The following CPA6 variants were observed in gnomAD, a reference collection of about 807,000 sequenced individuals.
CPA6 encodes carboxypeptidase B.
In CPA6, 58 loss-of-function variants were observed where a neutral mutation model predicts 63.3. The observed-to-expected ratio is 0.92, with a 90% confidence interval of 0.74 to 1.14. The LOEUF is 1.14. Among genes scored for constraint, CPA6 ranks in the 50% most tolerant of loss-of-function variants. CPA6 has a pLI of 0.00. For missense variants in CPA6, 565 were observed against 526.6 expected, an observed-to-expected ratio of 1.07 and a Z score of -0.71; for synonymous variants, 185 against 179.0, an observed-to-expected ratio of 1.03 and a Z score of -0.27.
At chr8:67,453,732 T>G (rs1810608652) in intron 8 of CPA6, among the ~76,000 whole-genome samples, 1 of 152,224 alleles carries the variant, frequency 6.6e-6, no homozygotes, top group Admixed American at 6.5e-5. Flanking sequence ...TTCTCCGATA[T>G]GTGCTTATAA....
chr8:67,648,262 T>TTTC (rs1450552823), intron 1 of CPA6, among the ~76,000 whole-genome samples: 1 of 150,012 alleles, frequency 6.7e-6, no homozygotes, highest in Admixed American at 6.7e-5. Context: ...GATTAGGTTT[T>TTTC]TTTTTTTTTT....
intron 1 of CPA6, among the ~76,000 whole-genome samples, chr8:67,659,138 C>T (rs753342994): frequency 2.6e-5 from 4 of 152,226 alleles, no homozygotes; most frequent in Non-Finnish European, 4.4e-5. Flanking sequence ...CCTCTCCATG[C>T]GTTTCTTGTT....
intron 2 of CPA6, among the ~76,000 whole-genome samples, chr8:67,599,395 C>G (rs928906843): frequency 4.6e-5 from 7 of 152,138 alleles, no homozygotes; most frequent in Non-Finnish European, 1.0e-4. Context: ...TTCATGCCTC[C>G]CTGGTTGCCC....
chr8:67,653,216 C>T (rs942848905), intron 1 of CPA6, among the ~76,000 whole-genome samples: 24 of 151,498 alleles, frequency 1.6e-4, no homozygotes, highest in African/African-American at 2.4e-4. Context: ...ATTGACTTGG[C>T]GATGTGGGCT....
In CPA6 at chr8:67,497,798, G is replaced by T. The variant is rs539623596; in HGVS notation, c.636+8989C>A. Among the ~76,000 whole-genome samples, 431 of 151,466 alleles carry T rather than the reference G, an allele frequency of 2.8e-3. 1 individual carries two copies. The highest frequency in any genetic ancestry group is 9.8e-3 in the African/African-American group (403 of 41,290). ...CCTCTGCCTCCTGGGTTCAAGCAAT[G>T]CTCCTGCCTCAGCCTCCCGAATAGC... On this transcript the variant is annotated intron_variant, in intron 6 of 10. Transcript: ENST00000297770.
rs1463161551 is a variant in CPA6, at chr8:67,546,070, T to C, written c.193-28023A>G. On this transcript the variant is annotated intron_variant, in intron 2 of 10. Coordinates refer to ENST00000297770, the MANE Select transcript of CPA6 (RefSeq NM_020361.5). ...GGGTTTCTTTGCTGGAAGGTCTTGC[T>C]TGCTTCCTTACTATATCCCTCCCAC... Among the ~76,000 whole-genome samples, 3 of 152,188 alleles carry C rather than the reference T, an allele frequency of 2.0e-5. No individual in the cohort carries two copies. The East Asian group carries it at 5.8e-4, about 29-fold the overall frequency.
rs766187895 is a variant in CPA6, at chr8:67,422,691, T to C, written c.1127A>G (p.Tyr376Cys). The C allele has an allele frequency of 1.3e-6, 2 of 1,594,846 alleles. 1 individual carries two copies. Among genetic ancestry groups the C allele is most frequent in the Admixed American group, 3.6e-5 (2 of 55,008 alleles). Residue 376 changes from tyrosine to cysteine, a missense_variant and splice_region_variant, in exon 11 of 11, where the codon TAT (tyrosine) becomes TGT (cysteine). Tyr to Cys is a radical substitution (Grantham distance 194). Coordinates refer to ENST00000297770, the MANE Select transcript of CPA6 (RefSeq NM_020361.5). The part of the protein sequence containing the change: ...YRYGPASTTL[Y>C]VSSGSSMDWA... ...ATCCATTGAGCTACCAGAGCTCACATCTAAAAGTTAAAACAAAAAAAAAAA... is the reference window on the plus strand; with the variant it reads ...ATCCATTGAGCTACCAGAGCTCACACCTAAAAGTTAAAACAAAAAAAAAAA...
At chr8:67,593,783 A>C (rs897309534) in intron 2 of CPA6, among the ~76,000 whole-genome samples, 3 of 147,278 alleles carry the variant, frequency 2.0e-5, no homozygotes, top group Admixed American at 6.9e-5. Flanking sequence ...GTGTGTCTGC[A>C]CGTGAGATGG....
chr8:67,557,186 AGATTTAAT>A (rs1813083072), intron 2 of CPA6, among the ~76,000 whole-genome samples: 1 of 152,200 alleles, frequency 6.6e-6, no homozygotes. Flanking sequence ...TGTCCTGAAC[AGATTTAAT>A]TGTACCACAT....
At chr8:67,739,435 C>G (rs1817872539) in intron 1 of CPA6, among the ~76,000 whole-genome samples, 1 of 152,184 alleles carries the variant, frequency 6.6e-6, no homozygotes, top group Non-Finnish European at 1.5e-5. Flanking sequence ...GAGAACTATT[C>G]CATTAACTAC....
intron 2 of CPA6, among the ~76,000 whole-genome samples, chr8:67,571,906 A>G (rs183163583): frequency 6.6e-6 from 1 of 152,182 alleles, no homozygotes; most frequent in Non-Finnish European, 1.5e-5. Flanking sequence ...TGGTTTTTTA[A>G]AAAGATAAAC....
At chr8:67,632,921 T>C (rs1411059318) in intron 1 of CPA6, among the ~76,000 whole-genome samples, 4 of 152,238 alleles carry the variant, frequency 2.6e-5, no homozygotes, top group Non-Finnish European at 4.4e-5. Flanking sequence ...AAAAGGTCTA[T>C]ATATACCTAT....
chr8:67,720,389 G>A (rs1446483690), intron 1 of CPA6, among the ~76,000 whole-genome samples: 4 of 152,228 alleles, frequency 2.6e-5, no homozygotes, highest in Non-Finnish European at 5.9e-5. Flanking sequence ...GGATGCGATG[G>A]CTTGGCTTGG....
chr8:67,706,808 A>G (rs1817145189), intron 1 of CPA6, among the ~76,000 whole-genome samples: 1 of 152,220 alleles, frequency 6.6e-6, no homozygotes, highest in Non-Finnish European at 1.5e-5. Flanking sequence ...GATTAAGATT[A>G]CATAGATTTG....
chr8:67,658,549 C>G (rs1400747796), intron 1 of CPA6, among the ~76,000 whole-genome samples: 1 of 152,168 alleles, frequency 6.6e-6, no homozygotes, highest in Non-Finnish European at 1.5e-5. Context: ...AATCTCATTA[C>G]TTCAACACTC....
chr8:67,622,668 T>C (rs1554526161), intron 2 of CPA6, among the ~76,000 whole-genome samples: 1 of 152,032 alleles, frequency 6.6e-6, no homozygotes, highest in Admixed American at 6.5e-5. Context: ...AATCAAACCA[T>C]AAATAAAAGA....
At chr8:67,538,315 C>T (rs528961830) in intron 2 of CPA6, among the ~76,000 whole-genome samples, 64 of 152,036 alleles carry the variant, frequency 4.2e-4, no homozygotes, top group African/African-American at 1.3e-3. Context: ...AATGTGTGGG[C>T]GTCTAAGTTT....
At chr8:67,452,524 T>G (rs1348296855) in intron 8 of CPA6, 1 of 152,214 alleles carries the variant, frequency 6.6e-6, no homozygotes, top group East Asian at 1.9e-4. Flanking sequence ...CCTCAACTAT[T>G]ACTTACATGT....
intron 2 of CPA6, among the ~76,000 whole-genome samples, chr8:67,596,149 T>A (rs1587614871): frequency 6.6e-6 from 1 of 152,238 alleles, no homozygotes; most frequent in Non-Finnish European, 1.5e-5. Flanking sequence ...TTGCCTCCAT[T>A]GATTTGGAAG....
Sources: gnomAD v4.1 joint callset for allele counts (sites outside exome capture counted in the v4.1 genomes callset) on GRCh38, gnomAD v4.1.1 for gene constraint, MANE v1.5 for transcripts, NCBI Gene and HGNC (gene_info 2026-07-23, HGNC 2026-07-21) for gene names.